Variants in FASN observed in about 807,000 individuals in gnomAD.
The protein encoded by FASN is 3-hydroxyacyl-[acyl-carrier-protein] dehydratase.
Under a neutral mutation model 250.0 loss-of-function variants are expected in FASN, and 50 were observed. The ratio of observed to expected loss-of-function variants is 0.20; its 90% CI spans 0.16 to 0.25. The LOEUF is 0.25. Ranked by LOEUF, FASN falls within the 10% of genes least tolerant of loss-of-function variation. The pLI is 1.00. For synonymous variants in FASN, 1,909 were observed against 1,584.0 expected (o/e 1.21, Z -4.87); for missense variants, 3,031 against 3,498.5 (o/e 0.87, Z 3.37).
chr17:82,084,653 G>A lies in FASN; in HGVS notation c.4628C>T (p.Ser1543Phe), dbSNP rs751307833. The part of the protein sequence containing the change: ...VSTLTRGDLS[S>F]IRWVCSSLRH... ...CAGCGAGGAGCAGACCCAGCGGATG[G>A]AGGACAGGTCCCCCCGGGTGAGGGT... Residue 1543 changes from serine to phenylalanine, a missense_variant, in exon 27 of 43, where the codon TCC becomes TTC. Physicochemically the swap from Ser to Phe is radical, Grantham distance 155. Coordinates refer to ENST00000306749, the MANE Select transcript of FASN (RefSeq NM_004104.5). The A allele has an allele frequency of 6.3e-7, 1 of 1,595,668 alleles. No individual in the cohort carries two copies. Among genetic ancestry groups the A allele is most frequent in the Non-Finnish European group, 8.5e-7 (1 of 1,172,012 alleles).
At chr17:82,096,774 G>A (rs939764376) in intron 1 of FASN, 3 of 400,216 alleles carry the variant, frequency 7.5e-6, no homozygotes, top group South Asian at 2.1e-5. Flanking sequence ...CGCCTGTGTC[G>A]GCTTCCACTC....
intron 8 of FASN, 105 bp downstream of exon 8, chr17:82,092,350 C>G: frequency 1.6e-6 from 2 of 1,254,136 alleles, no homozygotes; most frequent in Non-Finnish European, 2.2e-6. Context: ...GGTGGGGAAG[C>G]CCCCGCCTCC....
intron 11 of FASN, 130 bp from the exon 12 acceptor site, chr17:82,089,856 T>C (rs755201738): frequency 9.6e-6 from 8 of 831,404 alleles, no homozygotes; most frequent in African/African-American, 1.7e-5. Context: ...GGAGCCTTCA[T>C]GAGAAAGGTT....
intron 1 of FASN, chr17:82,096,909 C>T (rs1011598128): frequency 1.5e-5 from 4 of 259,956 alleles, no homozygotes; most frequent in Non-Finnish European, 3.1e-5. Flanking sequence ...GGTGGCCAGC[C>T]TGCTAAGGGC....
intron 3 of FASN, among the ~76,000 whole-genome samples, chr17:82,094,900 G>GGGTGGGGGGACGTGGGCAAGGGT (rs1354395920): frequency 2.6e-5 from 4 of 151,360 alleles, no homozygotes; most frequent in African/African-American, 7.3e-5. Context: ...GAAATGCCTG[G>GGGTGGGGGGACGTGGGCAAGGGT]GGTGGGGGGA....
chr17:82,082,073 G>A lies in FASN; in HGVS notation c.6099C>T (p.Asn2033=), dbSNP rs754148089. Residue 2033 remains asparagine (N), a synonymous_variant, in exon 36 of 43, where the codon AAC becomes AAT. Transcript: ENST00000306749. ...CCATGGCGGAATTGGCAAAGCCGTA[G>A]TTGCTCTGTCCCGCATTGCCACGCC... ...SCGRGNAGQS[N]YGFANSAMER... is the part of the protein sequence containing the mutation. 5.6e-6 allele frequency: 9 copies of A among 1,610,216 alleles called. No individual in the cohort carries two copies. In the East Asian group the frequency reaches 1.8e-4, roughly 32 times the overall value.
intron 1 of FASN, chr17:82,096,802 C>A: frequency 2.7e-6 from 1 of 368,258 alleles, no homozygotes; most frequent in Non-Finnish European, 5.3e-6. Context: ...TCTCAGCCTT[C>A]CAAGGCTCCT....
In FASN at chr17:82,090,391, G is replaced by A. The variant is rs901518038; in HGVS notation, c.1854C>T (p.Gly618=). The stretch of plus-strand genomic sequence containing the variant: ...GAGACCTACCCACGGCTGCCATGGC[G>A]CCCGGCGGGAGATGGGCTTCTTTGA... ...QCIKEAHLPP[G]AMAAVGLSWE... is the part of the protein sequence containing the mutation. Residue 618 remains glycine, a synonymous_variant, in exon 11 of 43, where the codon GGC becomes GGT. Transcript: ENST00000306749. The A allele has an allele frequency of 6.3e-6, 10 of 1,591,440 alleles. No homozygotes were observed. Among genetic ancestry groups the A allele is most frequent in the Non-Finnish European group, 8.5e-6 (10 of 1,170,480 alleles).
At chr17:82,086,673 A>G in intron 21 of FASN, 115 bp from the exon 22 acceptor site, 2 of 813,278 alleles carry the variant, frequency 2.5e-6, no homozygotes, top group Non-Finnish European at 4.1e-6. Context: ...TGCCCACAGG[A>G]TGAGAAATAG....
chr17:82,094,428 G>A (rs9901600), intron 3 of FASN, among the ~76,000 whole-genome samples: 32,902 of 151,704 alleles, frequency 0.22, 3,854 homozygotes, highest in African/African-American at 0.3. Context: ...TCACACCCAA[G>A]GGCAGCCCAG....
Position 82,079,509 on chromosome 17 carries a change from G to A in FASN, c.7246C>T (p.Leu2416=), listed in dbSNP as rs1461258013. The part of the protein sequence containing the change: ...KSHQGLDRQE[L]SFAARSFYYK... ...TAGAAGGACCGGGCCGCAAAGCTCA[G>A]CTCCTGGCGGTCCAGGCCCTGGTGG... Residue 2416 remains leucine, a synonymous_variant, in exon 42 of 43, where the codon CTG becomes TTG. Coordinates refer to ENST00000306749, the MANE Select transcript of FASN (RefSeq NM_004104.5). The A allele has an allele frequency of 6.2e-7, 1 of 1,612,102 alleles. No homozygotes were observed. The highest frequency in any genetic ancestry group is 2.2e-5 in the East Asian group (1 of 44,870).
chr17:82,080,512 T>A lies in FASN; in HGVS notation c.6905A>T (p.Tyr2302Phe). The change falls in exon 40 of 43, where the codon TAC becomes TTC. Residue 2302 changes from tyrosine to phenylalanine, a missense_variant. Coordinates refer to ENST00000306749, the MANE Select transcript of FASN (RefSeq NM_004104.5). ...CCCGTAGGAGTAGCCGGCCACGCGG[T>A]AGGGGCCCTCGGGCTGCACCTGCCT... Reference protein sequence around the residue: ...CIRQVQPEGPYRVAGYSYGAC... With the variant: ...CIRQVQPEGPFRVAGYSYGAC... The A allele has an allele frequency of 6.4e-7, 1 of 1,563,910 alleles. No individual in the cohort carries two copies. The highest frequency in any genetic ancestry group is 8.7e-7 in the Non-Finnish European group (1 of 1,155,352).
At chr17:82,097,729 C>T (rs1033987198) in intron 1 of FASN, among the ~76,000 whole-genome samples, 3 of 152,110 alleles carry the variant, frequency 2.0e-5, no homozygotes, top group Non-Finnish European at 4.4e-5. Flanking sequence ...CCGTTCCTCC[C>T]TCGCGGCGTC....
intron 8 of FASN, 89 bp downstream of exon 8, chr17:82,092,366 G>C (rs1211505915): frequency 3.5e-6 from 5 of 1,410,198 alleles, no homozygotes; most frequent in African/African-American, 2.8e-5. Context: ...CCTCCACTTG[G>C]CAAAGAGAAA....
In FASN at chr17:82,084,031, C is replaced by T; in HGVS notation, c.5042G>A (p.Gly1681Asp). ...LLIHSGSGGV[G>D]QAAIAIALSL... ...GAGGGCGATGGCGATGGCGGCCTGG[C>T]CCACGCCGCCCGAGCCCGAGTGGAT... Residue 1681 changes from glycine (G) to aspartate (D), a missense_variant, in exon 29 of 43, where the codon GGC becomes GAC. Gly to Asp is a moderately conservative substitution (Grantham distance 94, BLOSUM62 -1). Coordinates refer to ENST00000306749, the MANE Select transcript of FASN (RefSeq NM_004104.5). 6.5e-7 allele frequency: 1 copy of T among 1,540,766 alleles called. No individual in the cohort carries two copies.
intron 22 of FASN, 48 bp from the exon 23 acceptor site, chr17:82,085,919 C>T (rs1209012841): frequency 1.1e-5 from 16 of 1,480,154 alleles, no homozygotes; most frequent in African/African-American, 2.8e-5. Context: ...GCAGGTGCCC[C>T]TGACCTGGGG....
In FASN at chr17:82,088,413, G is replaced by A. The variant is rs1167671713; in HGVS notation, c.2570C>T (p.Pro857Leu). 2 of 1,612,324 alleles carry A rather than the reference G, an allele frequency of 1.2e-6. No homozygotes were observed. Among genetic ancestry groups the A allele is most frequent in the African/African-American group, 1.3e-5 (1 of 75,028 alleles). The change falls in exon 16 of 43, where the codon CCC (proline) becomes CTC (leucine). Residue 857 changes from proline (P) to leucine (L), a missense_variant. Pro to Leu is a moderately conservative substitution (Grantham distance 98). Coordinates refer to ENST00000306749, the MANE Select transcript of FASN (RefSeq NM_004104.5). ...ACCGATGTTGTAGATGGCGGCTGAGGGGGAACCTGAACCGTTGGGGAAGTC... is the reference window on the plus strand; with the variant it reads ...ACCGATGTTGTAGATGGCGGCTGAGAGGGAACCTGAACCGTTGGGGAAGTC... Reference protein sequence around the residue: ...AEDFPNGSGSPSAAIYNIDTS... With the variant: ...AEDFPNGSGSLSAAIYNIDTS...
rs2144803450 is a variant in FASN, at chr17:82,091,434, C to T, written c.1280G>A (p.Ser427Asn). Reference protein sequence around the residue: ...HATLPRLLRASGRTPEAVQKL... With the variant: ...HATLPRLLRANGRTPEAVQKL... ...CTGCACGGCCTCAGGGGTGCGTCCG[C>T]TGGCCCGCAGCAGACGGGGCAGGGT... The change falls in exon 9 of 43, where the codon AGC (serine) becomes AAC (asparagine). Residue 427 changes from serine (S) to asparagine (N), a missense_variant. By Grantham distance (46) the Ser-to-Asn change is conservative. Transcript: ENST00000306749. 1 of 1,607,960 alleles carries T rather than the reference C, an allele frequency of 6.2e-7. No individual in the cohort carries two copies. The highest frequency in any genetic ancestry group is 1.3e-5 in the African/African-American group (1 of 74,968).
At position 82,080,155 on chromosome 17, in the gene FASN, G is replaced by A. The variant is rs1162691878; in HGVS notation, c.7131C>T (p.Asp2377=). The A allele has an allele frequency of 2.5e-6, 4 of 1,613,192 alleles. No homozygotes were observed. The South Asian group carries it at 3.3e-5, about 13-fold the overall frequency. ...AICFFVQQFT[D]MEHNRVLEAL... is the part of the protein sequence containing the mutation. ...CAGGACCCACCCTGTTGTGCTCCATGTCCGTGAACTGCTGCACGAAGAAGC... is the reference window on the plus strand; with the variant it reads ...CAGGACCCACCCTGTTGTGCTCCATATCCGTGAACTGCTGCACGAAGAAGC... Residue 2377 remains aspartate (D), a synonymous_variant, in exon 41 of 43, where the codon GAC becomes GAT. Coordinates refer to ENST00000306749, the MANE Select transcript of FASN (RefSeq NM_004104.5).
Sources: gnomAD v4.1 joint callset for allele counts (sites outside exome capture counted in the v4.1 genomes callset) on GRCh38, gnomAD v4.1.1 for gene constraint, MANE v1.5 for transcripts, NCBI Gene and HGNC (gene_info 2026-07-23, HGNC 2026-07-21) for gene names.